The following DYRK1A variants were observed in gnomAD, a reference collection of about 807,000 sequenced individuals.
DYRK1A encodes dual specificity tyrosine phosphorylation regulated kinase 1A.
A neutral mutation model predicts 79.7 loss-of-function variants in DYRK1A; 9 were observed. The observed-to-expected ratio is 0.11, with a 90% confidence interval of 0.07 to 0.20. DYRK1A has a LOEUF of 0.20. DYRK1A is among the 10% of genes least tolerant of loss of function. The probability of loss-of-function intolerance (pLI) is 1.00; values close to 1 mark genes in which losing one functional copy is unlikely to be tolerated. For missense variants in DYRK1A, 622 were observed against 956.0 expected (o/e 0.65, Z 4.61); for synonymous variants, 349 against 329.7 (o/e 1.06, Z -0.63).
chr21:37,391,222 T>C (rs529302294), intron 1 of DYRK1A, among the ~76,000 whole-genome samples: 6 of 152,322 alleles, frequency 3.9e-5, no homozygotes, highest in African/African-American at 1.4e-4. Flanking sequence ...GCTCCTCGGC[T>C]TTCAGTGGAC....
At chr21:37,484,550 A>C (rs1350408657) in intron 5 of DYRK1A, among the ~76,000 whole-genome samples, 1 of 151,992 alleles carries the variant, frequency 6.6e-6, no homozygotes, top group Non-Finnish European at 1.5e-5. Flanking sequence ...GCTGGTCTCG[A>C]GCTCCTGACC....
intron 2 of DYRK1A, among the ~76,000 whole-genome samples, chr21:37,429,583 G>A (rs938231521): frequency 2.6e-5 from 4 of 152,144 alleles, no homozygotes; most frequent in South Asian, 2.1e-4. Flanking sequence ...ACTCACCATC[G>A]TGAGAATAGC....
chr21:37,458,716 GT>G (rs1475221368), intron 2 of DYRK1A, among the ~76,000 whole-genome samples: 2 of 152,162 alleles, frequency 1.3e-5, no homozygotes, highest in East Asian at 3.8e-4. Flanking sequence ...GGTATTTCTC[GT>G]TTTACCTGTT....
chr21:37,517,073 C>T lies in DYRK1A; in HGVS notation c.*4542C>T. On this transcript the variant is annotated 3_prime_UTR_variant, in exon 12 of 12. Coordinates refer to ENST00000647188, the MANE Select transcript of DYRK1A (RefSeq NM_001347721.2). Reference sequence around the variant, plus strand: ...CCAGCAAAACCTGTGAATCCTTCTTCAAAGCATAGAGGAGGCAGAGACAAG... The same window carrying T: ...CCAGCAAAACCTGTGAATCCTTCTTTAAAGCATAGAGGAGGCAGAGACAAG... 6.6e-6 allele frequency: 1 copy of T among 152,230 alleles called. No homozygotes were observed. Among genetic ancestry groups the T allele is most frequent in the East Asian group, 1.9e-4 (1 of 5,204 alleles). The allele number at this position is 152,230 out of a possible 1,614,324, so 9.4% of individuals were successfully genotyped here. A position where few individuals can be genotyped will look rare whatever the true frequency, so the allele number is the denominator to read the frequency against.
chr21:37,430,543 G>C (rs1362548496), intron 2 of DYRK1A: 1 of 400,736 alleles, frequency 2.5e-6, no homozygotes, highest in Non-Finnish European at 3.4e-6. Flanking sequence ...AGAGTCCTCT[G>C]TCATCATTTT....
intron 2 of DYRK1A, among the ~76,000 whole-genome samples, chr21:37,429,278 C>G (rs1393101242): frequency 6.6e-6 from 1 of 152,126 alleles, no homozygotes; most frequent in Non-Finnish European, 1.5e-5. Context: ...CTGGTTGCAG[C>G]CAGCTCTTTC....
intron 1 of DYRK1A, among the ~76,000 whole-genome samples, chr21:37,392,401 G>A (rs1246799098): frequency 6.6e-6 from 1 of 152,176 alleles, no homozygotes; most frequent in East Asian, 1.9e-4. Flanking sequence ...ATTATTATTT[G>A]TATTTGAGGC....
rs1197064691 is a variant in DYRK1A at position 37,515,208 on chromosome 21, A to AT, written c.*2680dup. 6.6e-6 allele frequency: 1 copy of AT among 152,632 alleles called. No individual in the cohort carries two copies. Among genetic ancestry groups the AT allele is most frequent in the African/African-American group, 2.4e-5 (1 of 41,460 alleles). 9.5% of individuals were successfully genotyped at this position (152,632 alleles called of 1,614,324 possible). On this transcript the variant is annotated 3_prime_UTR_variant, in exon 12 of 12. Transcript: ENST00000647188. ...CTTTACTATGCTTTTTTAAAAATTA[A>AT]TTTAAGAAAAATGTAAACATAGTAA... is the stretch of plus-strand genomic sequence containing the variant.
intron 1 of DYRK1A, among the ~76,000 whole-genome samples, chr21:37,394,531 C>A (rs1285063764): frequency 1.3e-5 from 2 of 152,078 alleles, no homozygotes; most frequent in Non-Finnish European, 2.9e-5. Context: ...AGGAATTGGA[C>A]TGCACCCCAT....
chr21:37,404,402 C>A (rs2050112301), intron 1 of DYRK1A, among the ~76,000 whole-genome samples: 1 of 152,184 alleles, frequency 6.6e-6, no homozygotes, highest in Non-Finnish European at 1.5e-5. Flanking sequence ...TGGTTCTGGT[C>A]TCAGCCTCTA....
intron 2 of DYRK1A, among the ~76,000 whole-genome samples, chr21:37,430,563 C>T (rs1297810731): frequency 6.6e-6 from 1 of 152,192 alleles, no homozygotes. Flanking sequence ...TGCCTCTCTC[C>T]TAAGTGACAG....
At position 37,523,235 on chromosome 21, in the gene DYRK1A, C is replaced by T. The variant is rs573130607; in HGVS notation, c.*10704C>T. On this transcript the variant is annotated 3_prime_UTR_variant, in exon 12 of 12. Transcript: ENST00000647188. ...ATTTTATATTTTGTAGAGTTGAGGT[C>T]GCACTTTTTTGCCCATGCTGGTCTT... is the stretch of plus-strand genomic sequence containing the variant. The T allele has an allele frequency of 1.3e-5, 2 of 152,268 alleles. No individual in the cohort carries two copies. Among genetic ancestry groups the T allele is most frequent in the South Asian group, 2.0e-4 (1 of 5,042 alleles). 9.4% of individuals were successfully genotyped at this position (152,268 alleles called of 1,614,324 possible). A position where few individuals can be genotyped will look rare whatever the true frequency, so the allele number is the denominator to read the frequency against.
intron 1 of DYRK1A, among the ~76,000 whole-genome samples, chr21:37,377,716 T>C (rs890887223): frequency 1.3e-5 from 2 of 152,192 alleles, no homozygotes; most frequent in Admixed American, 6.5e-5. Flanking sequence ...GATCCTCCTG[T>C]CTTGTCCTCT....
chr21:37,421,948 G>C (rs1241961737), intron 2 of DYRK1A: 1 of 152,132 alleles, frequency 6.6e-6, no homozygotes, highest in Admixed American at 6.6e-5. Flanking sequence ...TTTCTCTCGT[G>C]AAATTTTGGA....
chr21:37,454,958 C>T (rs998920937), intron 2 of DYRK1A, among the ~76,000 whole-genome samples: 1 of 151,346 alleles, frequency 6.6e-6, no homozygotes, highest in African/African-American at 2.4e-5. Context: ...CTGTGCTCAG[C>T]CAGATGTGAT....
intron 1 of DYRK1A, among the ~76,000 whole-genome samples, chr21:37,401,481 C>CTTT (rs772460097): frequency 1.5e-5 from 2 of 135,034 alleles, no homozygotes; most frequent in Non-Finnish European, 1.6e-5. Context: ...ATTTCTAGTT[C>CTTT]CTTTTTTTTT....
At chr21:37,502,720 TC>T (rs1277761307) in intron 9 of DYRK1A, 1 of 152,214 alleles carries the variant, frequency 6.6e-6, no homozygotes, top group African/African-American at 2.4e-5. Context: ...TTTTTGCAAT[TC>T]CTAGCTTCCA....
intron 2 of DYRK1A, among the ~76,000 whole-genome samples, chr21:37,440,766 T>C (rs1388839969): frequency 6.6e-6 from 1 of 152,202 alleles, no homozygotes; most frequent in East Asian, 1.9e-4. Flanking sequence ...AGAGAACGTA[T>C]TTTGAATAAC....
intron 8 of DYRK1A, among the ~76,000 whole-genome samples, chr21:37,494,289 A>T (rs1302801554): frequency 1.3e-5 from 2 of 151,404 alleles, no homozygotes; most frequent in African/African-American, 4.9e-5. Flanking sequence ...TGTGTAAATT[A>T]GTATCTTTCT....
Sources: allele counts gnomAD v4.1 joint callset (sites outside exome capture counted in the v4.1 genomes callset), GRCh38; gene constraint gnomAD v4.1.1; transcripts MANE v1.5; gene names NCBI Gene and HGNC (gene_info 2026-07-23, HGNC 2026-07-21).